BMPR1B: variants seen among roughly 807,000 people sequenced by gnomAD.
The protein encoded by BMPR1B is bone morphogenetic protein receptor type 1B, also known as bone morphogenetic protein receptor type-1B.
In BMPR1B, 12 loss-of-function variants were observed where a neutral mutation model predicts 59.1. The observed-to-expected ratio is 0.20, with a 90% CI of 0.13 to 0.33. The LOEUF (loss-of-function observed/expected upper bound fraction) is 0.33, where lower values mean the gene tolerates loss of function less well. BMPR1B is among the 10% of genes least tolerant of loss of function. The probability of loss-of-function intolerance (pLI) is 1.00; values close to 1 mark genes in which losing one functional copy is unlikely to be tolerated. For synonymous variants in BMPR1B, 237 were observed against 207.3 expected, an observed-to-expected ratio of 1.14 and a Z score of -1.23; for missense variants, 550 against 610.9, an observed-to-expected ratio of 0.90 and a Z score of 1.05.
intron 2 of BMPR1B, among the ~76,000 whole-genome samples, chr4:94,979,936 A>G (rs577309969): frequency 5.5e-4 from 83 of 152,186 alleles, no homozygotes; most frequent in Non-Finnish European, 1.1e-3. Context: ...TTCAGCAGCA[A>G]CACTATCCAG....
intron 1 of BMPR1B, among the ~76,000 whole-genome samples, chr4:94,801,754 T>TA (rs1346877792): frequency 6.6e-6 from 1 of 152,190 alleles, no homozygotes; most frequent in East Asian, 1.9e-4. Flanking sequence ...CATACAAATA[T>TA]AAAAAAGTAA....
At chr4:94,795,361 G>A (rs1256222565) in intron 1 of BMPR1B, among the ~76,000 whole-genome samples, 1 of 151,628 alleles carries the variant, frequency 6.6e-6, no homozygotes, top group Non-Finnish European at 1.5e-5. Context: ...TGCATCCCAG[G>A]GATGAAGCCC....
At chr4:95,010,875 G>A (rs1419073230) in intron 3 of BMPR1B, among the ~76,000 whole-genome samples, 2 of 152,046 alleles carry the variant, frequency 1.3e-5, no homozygotes, top group East Asian at 3.8e-4. Context: ...ATGAGGCATC[G>A]GACCATGGAT....
At chr4:95,151,135 AAGAC>A (rs1480072851) in intron 11 of BMPR1B, among the ~76,000 whole-genome samples, 2 of 152,220 alleles carry the variant, frequency 1.3e-5, no homozygotes, top group African/African-American at 2.4e-5. Flanking sequence ...AAGGAGAAGA[AAGAC>A]AGAAAGGTTT....
chr4:95,006,542 ATTT>A (rs200984246), intron 3 of BMPR1B, among the ~76,000 whole-genome samples: 5 of 136,008 alleles, frequency 3.7e-5, no homozygotes, highest in Admixed American at 7.4e-5. Context: ...ATACCTTCTG[ATTT>A]TTTTTTTTTT....
chr4:95,115,772 C>T lies in BMPR1B; in HGVS notation c.334C>T (p.Pro112Ser), dbSNP rs1225550138. 6.8e-6 allele frequency: 11 copies of T among 1,612,150 alleles called. No individual in the cohort carries two copies. The Admixed American group carries it at 1.7e-4, about 24-fold the overall frequency. The change falls in exon 6 of 13, where the codon CCA (proline) becomes TCA (serine). Residue 112 changes from proline (P) to serine (S), a missense_variant. By Grantham distance (74) the Pro-to-Ser change is moderately conservative. This residue lies in a region of BMPR1B where 20 missense variants were observed against 39.9 expected (regional missense o/e 0.50). Transcript: ENST00000515059. The part of the protein sequence containing the change: ...CNKDLHPTLP[P>S]LKNRDFVDGP... ...TAAAGACCTACACCCTACACTGCCT[C>T]CATTGAAAAACAGAGGTAAGTGAGG...
chr4:95,116,980 A>T (rs532257329), intron 6 of BMPR1B, among the ~76,000 whole-genome samples: 3 of 152,136 alleles, frequency 2.0e-5, no homozygotes, highest in Non-Finnish European at 4.4e-5. Context: ...GTAAGAGAGC[A>T]CCGTGTCAAT....
At chr4:94,914,542 T>C (rs932531330) in intron 2 of BMPR1B, among the ~76,000 whole-genome samples, 1 of 152,200 alleles carries the variant, frequency 6.6e-6, no homozygotes, top group African/African-American at 2.4e-5. Context: ...TGAGTATGCA[T>C]GCAAAGGAAG....
At chr4:94,815,252 CT>C (rs1314930660) in intron 1 of BMPR1B, among the ~76,000 whole-genome samples, 1 of 152,018 alleles carries the variant, frequency 6.6e-6, no homozygotes, top group Admixed American at 6.6e-5. Context: ...CATTGTGTGT[CT>C]TTTTGTCATT....
At position 94,957,606 on chromosome 4, in the gene BMPR1B, C is replaced by T. The variant is rs903112684; in HGVS notation, c.-112-38434C>T. On this transcript the variant is annotated intron_variant, in intron 2 of 12. Coordinates refer to ENST00000515059, the MANE Select transcript of BMPR1B (RefSeq NM_001203.3). ...TTTCTTCGACTGGCCCACCTTTCTACTGTTCCTTTAGCTCCTCACAGGAAT... is the reference window on the plus strand; with the variant it reads ...TTTCTTCGACTGGCCCACCTTTCTATTGTTCCTTTAGCTCCTCACAGGAAT... Among the ~76,000 whole-genome samples, 9 of 152,052 alleles carry T rather than the reference C, an allele frequency of 5.9e-5. No homozygotes were observed. In the South Asian group the frequency reaches 1.2e-3, roughly 21 times the overall value.
intron 1 of BMPR1B, among the ~76,000 whole-genome samples, chr4:94,860,818 GTCTTT>G (rs1219544046): frequency 0.062 from 9,380 of 150,228 alleles, 717 homozygotes; most frequent in African/African-American, 0.19. Flanking sequence ...CCTTTTATAT[GTCTTT>G]TATATGTTGG....
At chr4:95,075,874 A>G (rs558612665) in intron 3 of BMPR1B, among the ~76,000 whole-genome samples, 1 of 151,382 alleles carries the variant, frequency 6.6e-6, no homozygotes, top group Non-Finnish European at 1.5e-5. Flanking sequence ...CCATCCAGCC[A>G]CTCTCACAAG....
intron 1 of BMPR1B, among the ~76,000 whole-genome samples, chr4:94,804,518 A>G (rs1309283931): frequency 6.6e-6 from 1 of 151,970 alleles, no homozygotes; most frequent in Non-Finnish European, 1.5e-5. Context: ...TGGCCATGCC[A>G]GTTAGAGCCT....
At chr4:95,002,308 T>C (rs910487629) in intron 3 of BMPR1B, among the ~76,000 whole-genome samples, 2 of 152,166 alleles carry the variant, frequency 1.3e-5, no homozygotes, top group African/African-American at 4.8e-5. Flanking sequence ...CTGCAAACGA[T>C]GATTTCATTC....
intron 1 of BMPR1B, among the ~76,000 whole-genome samples, chr4:94,836,088 CTCA>C (rs1400911775): frequency 6.7e-6 from 1 of 148,504 alleles, no homozygotes; most frequent in African/African-American, 2.5e-5. Context: ...AGGACATGAA[CTCA>C]TCATTTTTTA....
rs779988823 is a variant in BMPR1B at position 95,115,667 on chromosome 4, G to C, written c.247-18G>C. On this transcript the variant is annotated intron_variant, in intron 5 of 12. Transcript: ENST00000515059. Reference sequence around the variant, plus strand: ...ATTTGGAAGAAACTCACTAATAGCTGTTTGGGTTCGATTATAGGACACTCC... The same window carrying C: ...ATTTGGAAGAAACTCACTAATAGCTCTTTGGGTTCGATTATAGGACACTCC... The C allele has an allele frequency of 1.9e-6, 3 of 1,597,936 alleles. No homozygotes were observed. Among genetic ancestry groups the C allele is most frequent in the East Asian group, 2.2e-5 (1 of 44,766 alleles).
At chr4:94,769,743 T>A (rs1196142279) in intron 1 of BMPR1B, among the ~76,000 whole-genome samples, 1 of 152,234 alleles carries the variant, frequency 6.6e-6, no homozygotes, top group Non-Finnish European at 1.5e-5. Context: ...CAGTCTGTTA[T>A]TCTGTCTTTA....
chr4:94,992,133 T>C (rs532796586), intron 2 of BMPR1B, among the ~76,000 whole-genome samples: 11 of 152,370 alleles, frequency 7.2e-5, no homozygotes, highest in African/African-American at 2.4e-4. Context: ...TGACTCTTCA[T>C]GTATTCCTTG....
At chr4:95,130,099 CCT>C in intron 9 of BMPR1B, 45 bp downstream of exon 9, 2 of 1,593,368 alleles carry the variant, frequency 1.3e-6, no homozygotes, top group Non-Finnish European at 1.7e-6. Flanking sequence ...TCCTAGCTTT[CCT>C]CTGTCTTTCT....
Sources: gnomAD v4.1 joint callset for allele counts (sites outside exome capture counted in the v4.1 genomes callset) on GRCh38, gnomAD v4.1.1 for gene constraint, gnomAD v4.1.1 regional missense constraint, MANE v1.5 for transcripts, NCBI Gene and HGNC (gene_info 2026-07-23, HGNC 2026-07-21) for gene names.